BCAS3: variants seen among roughly 807,000 people sequenced by gnomAD.
BCAS3 encodes BCAS3 microtubule associated cell migration factor.
A neutral mutation model predicts 116.1 loss-of-function variants in BCAS3; 53 were observed. That is an observed-to-expected ratio of 0.46 (90% CI 0.37 to 0.57). The LOEUF (loss-of-function observed/expected upper bound fraction) is 0.57, where lower values mean the gene tolerates loss of function less well. Ranked by LOEUF, BCAS3 falls within the 20% of genes least tolerant of loss-of-function variation. The pLI is 0.00. For synonymous variants in BCAS3, 391 were observed against 408.2 expected (o/e 0.96, Z 0.51); for missense variants, 917 against 1,165.4 (o/e 0.79, Z 3.10).
At chr17:60,850,086 C>T (rs1258113967) in intron 7 of BCAS3, among the ~76,000 whole-genome samples, 1 of 152,086 alleles carries the variant, frequency 6.6e-6, no homozygotes, top group Non-Finnish European at 1.5e-5. Context: ...TTGATACATC[C>T]ACTTTCTCCC....
chr17:60,690,659 G>A (rs2034687180), intron 4 of BCAS3, among the ~76,000 whole-genome samples: 1 of 151,842 alleles, frequency 6.6e-6, no homozygotes, highest in Non-Finnish European at 1.5e-5. Flanking sequence ...TTTGGCTCAT[G>A]CTTGCAGTCC....
intron 14 of BCAS3, among the ~76,000 whole-genome samples, chr17:60,966,427 C>T (rs1450568346): frequency 1.3e-5 from 2 of 152,138 alleles, no homozygotes; most frequent in Non-Finnish European, 2.9e-5. Context: ...GTTATTTTCT[C>T]TGGTATTATG....
chr17:60,925,912 A>G (rs1377048448), intron 13 of BCAS3, among the ~76,000 whole-genome samples: 1 of 152,118 alleles, frequency 6.6e-6, no homozygotes, highest in Non-Finnish European at 1.5e-5. Flanking sequence ...GTGGGACCCA[A>G]GTCTAAATAC....
intron 22 of BCAS3, among the ~76,000 whole-genome samples, chr17:61,112,768 A>T (rs1026081423): frequency 4.0e-5 from 6 of 151,720 alleles, no homozygotes; most frequent in Admixed American, 1.3e-4. Context: ...CTCCACCCGA[A>T]ATCAACAGAA....
At chr17:60,912,294 G>A (rs952339051) in intron 12 of BCAS3, among the ~76,000 whole-genome samples, 3 of 151,946 alleles carry the variant, frequency 2.0e-5, no homozygotes, top group Non-Finnish European at 2.9e-5. Flanking sequence ...CATATTCAGA[G>A]CACTATGCTT....
In BCAS3 at chr17:60,731,174, A is replaced by G. The variant is rs113814599; in HGVS notation, c.322-16024A>G. On this transcript the variant is annotated intron_variant, in intron 5 of 23. Coordinates refer to ENST00000407086, the MANE Select transcript of BCAS3 (RefSeq NM_017679.5). Reference sequence around the variant, plus strand: ...TCTGTATGATTAGTACATGTGAAGTAATTAGCAAATTGATAACTATACACG... The same window carrying G: ...TCTGTATGATTAGTACATGTGAAGTGATTAGCAAATTGATAACTATACACG... 1.3e-3 allele frequency among the ~76,000 whole-genome samples: 193 copies of G among 152,316 alleles called. 2 individuals are homozygous for G. Among genetic ancestry groups the G allele is most frequent in the South Asian group, 8.7e-3 (42 of 4,834 alleles).
intron 22 of BCAS3, among the ~76,000 whole-genome samples, chr17:61,202,318 G>A (rs1481970739): frequency 6.6e-6 from 1 of 151,428 alleles, no homozygotes; most frequent in African/African-American, 2.4e-5. Context: ...CCCATTTTGC[G>A]GATGAGGAAA....
At chr17:60,746,130 G>T (rs2041995439) in intron 5 of BCAS3, among the ~76,000 whole-genome samples, 1 of 151,760 alleles carries the variant, frequency 6.6e-6, no homozygotes, top group South Asian at 2.1e-4. Context: ...AAGTTCTTTT[G>T]TATCTTGAAC....
intron 13 of BCAS3, among the ~76,000 whole-genome samples, chr17:60,931,300 G>A (rs1214031491): frequency 6.6e-6 from 1 of 151,770 alleles, no homozygotes; most frequent in Admixed American, 6.6e-5. Flanking sequence ...TTTTGAGATG[G>A]AACCTCGCTC....
At chr17:61,358,037 G>A (rs1158465703) in intron 22 of BCAS3, among the ~76,000 whole-genome samples, 1 of 150,242 alleles carries the variant, frequency 6.7e-6, no homozygotes, top group African/African-American at 2.5e-5. Context: ...ACAGTGAGCT[G>A]AAAGCATGCC....
chr17:60,904,591 G>A (rs1165447388), intron 11 of BCAS3, among the ~76,000 whole-genome samples: 1 of 152,136 alleles, frequency 6.6e-6, no homozygotes, highest in African/African-American at 2.4e-5. Flanking sequence ...CAGCATTCTG[G>A]GAGGCTGAGG....
rs2072828161 is a variant in BCAS3 at position 61,083,604 on chromosome 17, T to G, written c.2328-863T>G. On this transcript the variant is annotated intron_variant, in intron 21 of 23. Coordinates refer to ENST00000407086, the MANE Select transcript of BCAS3 (RefSeq NM_017679.5). The surrounding 1 kb of genome is among the most constrained non-coding windows in gnomAD (Gnocchi z 4.9). ...ATTTATATGTTTATTATTCTTTTTTTTTTTTTTTTGAGACGGAGTCTTGCT... is the reference window on the plus strand; with the variant it reads ...ATTTATATGTTTATTATTCTTTTTTGTTTTTTTTTGAGACGGAGTCTTGCT... Among the ~76,000 whole-genome samples, 1 of 151,458 alleles carries G rather than the reference T, an allele frequency of 6.6e-6. No homozygotes were observed. Among genetic ancestry groups the G allele is most frequent in the Non-Finnish European group, 1.5e-5 (1 of 67,796 alleles).
intron 22 of BCAS3, among the ~76,000 whole-genome samples, chr17:61,179,943 T>A (rs2144165755): frequency 6.6e-6 from 1 of 151,384 alleles, no homozygotes; most frequent in East Asian, 1.9e-4. Flanking sequence ...AGCACTCACT[T>A]GAGACACTTT....
intron 15 of BCAS3, among the ~76,000 whole-genome samples, chr17:61,009,691 A>G (rs1023588640): frequency 3.9e-5 from 6 of 152,074 alleles, no homozygotes; most frequent in African/African-American, 1.2e-4. Context: ...ACACACAGAT[A>G]CACTGATAGT....
intron 12 of BCAS3, among the ~76,000 whole-genome samples, chr17:60,920,478 CAT>C (rs1023144107): frequency 6.6e-6 from 1 of 152,148 alleles, no homozygotes; most frequent in South Asian, 2.1e-4. Context: ...GGCCAACAAA[CAT>C]ATGGAAAAAT....
chr17:61,305,933 C>T (rs575170375), intron 22 of BCAS3, among the ~76,000 whole-genome samples: 9 of 152,146 alleles, frequency 5.9e-5, no homozygotes, highest in Admixed American at 1.3e-4. Context: ...TTGTTGTTTC[C>T]CCTGTCTTGA....
chr17:61,100,613 C>T (rs747323406), intron 22 of BCAS3, among the ~76,000 whole-genome samples: 3 of 152,108 alleles, frequency 2.0e-5, no homozygotes, highest in Admixed American at 6.5e-5. Flanking sequence ...TTGTACTCCC[C>T]GTAGCTCCCT....
At chr17:60,830,065 C>T (rs898172420) in intron 7 of BCAS3, among the ~76,000 whole-genome samples, 1 of 152,178 alleles carries the variant, frequency 6.6e-6, no homozygotes, top group Non-Finnish European at 1.5e-5. Flanking sequence ...GATCTTAGCT[C>T]ACCGCAACCT....
intron 9 of BCAS3, among the ~76,000 whole-genome samples, chr17:60,886,723 T>C (rs1485363069): frequency 5.8e-4 from 88 of 152,064 alleles, no homozygotes; most frequent in Admixed American, 9.8e-4. Flanking sequence ...GTCAGTGTGC[T>C]CCTGCTGGGG....
Sources: allele counts gnomAD v4.1 joint callset (sites outside exome capture counted in the v4.1 genomes callset), GRCh38; gene constraint gnomAD v4.1.1; non-coding constraint Gnocchi (gnomAD v3.1); transcripts MANE v1.5; gene names NCBI Gene and HGNC (gene_info 2026-07-23, HGNC 2026-07-21).